MAPK8IP3: variants seen among roughly 807,000 people sequenced by gnomAD.
The protein encoded by MAPK8IP3 is mitogen-activated protein kinase 8 interacting protein 3.
MAPK8IP3 carries 49 observed loss-of-function variants against 157.8 expected under a neutral mutation model. The observed-to-expected ratio is 0.31, with a 90% CI of 0.25 to 0.39. The LOEUF (loss-of-function observed/expected upper bound fraction) is 0.39, where lower values mean the gene tolerates loss of function less well. Ranked by LOEUF, MAPK8IP3 falls within the 10% of genes least tolerant of loss-of-function variation. MAPK8IP3 has a pLI of 1.00. For synonymous variants in MAPK8IP3, 897 were observed against 777.7 expected (o/e 1.15, Z -2.55); for missense variants, 1,478 against 1,889.4 (o/e 0.78, Z 4.04).
chr16:1,759,053 G>A, intron 10 of MAPK8IP3, 58 bp downstream of exon 10: 2 of 1,604,304 alleles, frequency 1.2e-6, no homozygotes, highest in Non-Finnish European at 1.7e-6. Flanking sequence ...ATGGTCTCCT[G>A]CTTCATGAGC....
chr16:1,717,692 GTTC>G (rs2142301701), intron 1 of MAPK8IP3, among the ~76,000 whole-genome samples: 1 of 152,344 alleles, frequency 6.6e-6, no homozygotes, highest in South Asian at 2.1e-4. Context: ...ATTCTGGGTA[GTTC>G]TTTTATTTTT....
At chr16:1,738,191 C>T (rs1596651857) in intron 4 of MAPK8IP3, among the ~76,000 whole-genome samples, 3 of 67,896 alleles carry the variant, frequency 4.4e-5, no homozygotes, top group South Asian at 1.2e-3. Flanking sequence ...CGTCCGTGAG[C>T]GTGTGACCGT....
intron 1 of MAPK8IP3, among the ~76,000 whole-genome samples, chr16:1,714,495 C>T (rs1396511915): frequency 1.3e-5 from 2 of 152,252 alleles, no homozygotes; most frequent in African/African-American, 4.8e-5. Context: ...GCGTTTCTCA[C>T]ACAGGGTCTA....
chr16:1,767,079 T>A, intron 25 of MAPK8IP3, 70 bp from the exon 26 acceptor site: 2 of 1,591,802 alleles, frequency 1.3e-6, no homozygotes, highest in Non-Finnish European at 1.7e-6. Context: ...GCAGTGGGTG[T>A]CTCAACCCGA....
At position 1,765,065 on chromosome 16, in the gene MAPK8IP3, C is replaced by T. The variant is rs2042178337; in HGVS notation, c.2333C>T (p.Thr778Ile). ...ACCTCCAGCCGGGTGTGGATCCTGACCAGCACCCTGACCACCAGCAAGGTG... is the reference window on the plus strand; with the variant it reads ...ACCTCCAGCCGGGTGTGGATCCTGATCAGCACCCTGACCACCAGCAAGGTG... Reference protein sequence around the residue: ...DATSSRVWILTSTLTTSKVVI... With the variant: ...DATSSRVWILISTLTTSKVVI... The change falls in exon 20 of 32, where the codon ACC becomes ATC. Residue 778 changes from threonine to isoleucine, a missense_variant. Thr to Ile is a moderately conservative substitution (Grantham distance 89). Transcript: ENST00000610761. The T allele has an allele frequency of 1.9e-6, 3 of 1,612,496 alleles. No homozygotes were observed. Among genetic ancestry groups the T allele is most frequent in the Non-Finnish European group, 2.5e-6 (3 of 1,179,758 alleles).
chr16:1,719,794 G>A (rs2142311623), intron 1 of MAPK8IP3, among the ~76,000 whole-genome samples: 1 of 152,012 alleles, frequency 6.6e-6, no homozygotes, highest in South Asian at 2.1e-4. Flanking sequence ...TGCAGTGGGT[G>A]ACAGAGGGAG....
chr16:1,730,044 CAAAAAAAAAAAAAAAA>C (rs58933347), intron 4 of MAPK8IP3, among the ~76,000 whole-genome samples: 2 of 46,982 alleles, frequency 4.3e-5, no homozygotes, highest in African/African-American at 1.2e-4. Flanking sequence ...CTTGTCTCTA[CAAAAAAAAAAAAAAAA>C]AAAAAAAAAA....
At chr16:1,721,717 A>G (rs1357110795) in intron 1 of MAPK8IP3, among the ~76,000 whole-genome samples, 2 of 152,130 alleles carry the variant, frequency 1.3e-5, no homozygotes, top group African/African-American at 4.8e-5. Flanking sequence ...CTGGGATTAC[A>G]GGCATGAGCC....
At chr16:1,764,272 G>A (rs774982891) in intron 18 of MAPK8IP3, 29 bp from the exon 19 acceptor site, 6 of 1,590,108 alleles carry the variant, frequency 3.8e-6, no homozygotes, top group Non-Finnish European at 5.1e-6. Context: ...GAGTGCCGGT[G>A]ACACCCGACC....
chr16:1,729,549 C>T lies in MAPK8IP3; in HGVS notation c.573C>T (p.Ser191=). The part of the protein sequence containing the change: ...RSKMQQVGGN[S]QTESSLPGRS... ...AGATGCAGCAGGTCGGAGGAAACAG[C>T]CAGACCGAGAGCAGCCTGCCGGGGC... The change falls in exon 4 of 32, where the codon AGC becomes AGT. Residue 191 remains serine (S), a synonymous_variant. Coordinates refer to ENST00000610761, the MANE Select transcript of MAPK8IP3 (RefSeq NM_001318852.2). The T allele has an allele frequency of 1.2e-6, 2 of 1,610,636 alleles. No individual in the cohort carries two copies. The highest frequency in any genetic ancestry group is 2.7e-5 in the African/African-American group (2 of 75,000).
chr16:1,753,158 G>C (rs1377466518), intron 8 of MAPK8IP3, among the ~76,000 whole-genome samples: 2 of 152,244 alleles, frequency 1.3e-5, no homozygotes, highest in African/African-American at 4.8e-5. Context: ...GGGCGGCCCT[G>C]CACCTCTCTC....
chr16:1,732,647 T>C (rs968541660), intron 4 of MAPK8IP3, among the ~76,000 whole-genome samples: 2 of 152,034 alleles, frequency 1.3e-5, no homozygotes, highest in Non-Finnish European at 2.9e-5. Context: ...CAGAGCACCA[T>C]GAGAACTACG....
chr16:1,737,334 G>T (rs1376620057), intron 4 of MAPK8IP3, among the ~76,000 whole-genome samples: 1 of 107,796 alleles, frequency 9.3e-6, no homozygotes, highest in African/African-American at 3.9e-5. Flanking sequence ...GTGAGCATCC[G>T]TGTGAGCGTG....
At chr16:1,732,774 G>A (rs2039400791) in intron 4 of MAPK8IP3, among the ~76,000 whole-genome samples, 1 of 151,290 alleles carries the variant, frequency 6.6e-6, no homozygotes, top group African/African-American at 2.4e-5. Context: ...CCGAGAACGG[G>A]TGGTGCCAGC....
At chr16:1,748,430 C>T (rs1261908900) in intron 7 of MAPK8IP3, 84 bp downstream of exon 7, 4 of 1,260,124 alleles carry the variant, frequency 3.2e-6, no homozygotes, top group South Asian at 2.5e-5. Flanking sequence ...TCCTCTGCCA[C>T]CACTGGGAGA....
At chr16:1,739,928 G>A (rs1402264812) in intron 4 of MAPK8IP3, among the ~76,000 whole-genome samples, 1 of 130,698 alleles carries the variant, frequency 7.7e-6, no homozygotes. Flanking sequence ...GTGAGCTTCC[G>A]TGTGACTGTC....
intron 4 of MAPK8IP3, among the ~76,000 whole-genome samples, chr16:1,738,854 T>A (rs1247870440): frequency 7.7e-6 from 1 of 129,274 alleles, no homozygotes; most frequent in African/African-American, 3.0e-5. Context: ...TGTGAGCGTG[T>A]GAGCGTCCGT....
chr16:1,752,623 C>T (rs557684795), intron 8 of MAPK8IP3: 113 of 250,134 alleles, frequency 4.5e-4, no homozygotes, highest in South Asian at 3.5e-3. Flanking sequence ...TGGTGTGCAC[C>T]TGTAAGTCCC....
At chr16:1,730,044 CAAAAAAAAAAA>C (rs58933347) in intron 4 of MAPK8IP3, among the ~76,000 whole-genome samples, 1,712 of 46,998 alleles carry the variant, frequency 0.036, 39 homozygotes, top group African/African-American at 0.098. Context: ...CTTGTCTCTA[CAAAAAAAAAAA>C]AAAAAAAAAA....
Sources: gnomAD v4.1 joint callset for allele counts (sites outside exome capture counted in the v4.1 genomes callset) on GRCh38, gnomAD v4.1.1 for gene constraint, MANE v1.5 for transcripts, NCBI Gene and HGNC (gene_info 2026-07-23, HGNC 2026-07-21) for gene names.